RHPN1: variants seen among roughly 807,000 people sequenced by gnomAD.
The protein encoded by RHPN1 is rhophilin Rho GTPase binding protein 1.
A neutral mutation model predicts 74.7 loss-of-function variants in RHPN1; 77 were observed. The ratio of observed to expected loss-of-function variants is 1.03; its 90% CI spans 0.86 to 1.25. The LOEUF is 1.25. Among genes scored for constraint, RHPN1 ranks in the 50% most tolerant of loss-of-function variants. The pLI is 0.00. For missense variants in RHPN1, 987 were observed against 932.2 expected (o/e 1.06, Z -0.77); for synonymous variants, 444 against 414.5 (o/e 1.07, Z -0.87).
intron 10 of RHPN1, 103 bp from the exon 11 acceptor site, chr8:143,380,486 G>A (rs1335770699): frequency 3.5e-6 from 4 of 1,128,454 alleles, no homozygotes; most frequent in Non-Finnish European, 4.9e-6. Context: ...CAACGAAAGT[G>A]GCTGTGATGA....
chr8:143,376,791 T>C, intron 3 of RHPN1, 138 bp downstream of exon 3: 1 of 1,026,840 alleles, frequency 9.7e-7, no homozygotes, highest in Non-Finnish European at 1.4e-6. Flanking sequence ...TGCATGTGTG[T>C]GCATGCATGT....
intron 2 of RHPN1, among the ~76,000 whole-genome samples, chr8:143,376,276 G>A (rs1818210075): frequency 6.6e-6 from 1 of 152,224 alleles, no homozygotes; most frequent in Non-Finnish European, 1.5e-5. Context: ...TGAGGGAGGT[G>A]CCCCCAGGCC....
At chr8:143,369,143 G>A (rs1817665164) in intron 1 of RHPN1, 96 bp downstream of exon 1, 10 of 930,528 alleles carry the variant, frequency 1.1e-5, no homozygotes, top group Non-Finnish European at 1.5e-5. Context: ...CCCCTCCTAC[G>A]TCTCATTCGG....
chr8:143,378,433 A>T, intron 5 of RHPN1, 87 bp downstream of exon 5: 1 of 1,138,514 alleles, frequency 8.8e-7, no homozygotes, highest in East Asian at 2.6e-5. Flanking sequence ...CAGACAGAGG[A>T]GCTCAGCGTA....
chr8:143,380,499 C>G (rs979736244), intron 10 of RHPN1, 90 bp from the exon 11 acceptor site: 2 of 1,226,412 alleles, frequency 1.6e-6, no homozygotes, highest in African/African-American at 3.1e-5. Flanking sequence ...TGTGATGAGC[C>G]CCACAGCCCT....
intron 9 of RHPN1, 24 bp downstream of exon 9, chr8:143,380,009 A>T: frequency 6.4e-7 from 1 of 1,552,170 alleles, no homozygotes; most frequent in Non-Finnish European, 8.7e-7. Flanking sequence ...ACACTTGCCC[A>T]TGGTACTGCC....
intron 2 of RHPN1, 143 bp from the exon 3 acceptor site, chr8:143,376,382 A>C: frequency 8.2e-7 from 1 of 1,212,132 alleles, no homozygotes; most frequent in Non-Finnish European, 1.1e-6. Flanking sequence ...TGCCCCACCC[A>C]TGGGGGGCAG....
In RHPN1 at chr8:143,376,624, C is replaced by T. The variant is rs1414098012; in HGVS notation, c.276C>T (p.Ser92=). ...QLLKEELEEL[S]GGVDPGRHGS... is the part of the protein sequence containing the mutation. ...TGAAGGAGGAGCTGGAGGAGCTCAG[C>T]GGTGGCGTGGACCCTGGCCGGCATG... Residue 92 remains serine (S), a synonymous_variant, in exon 3 of 15, where the codon AGC becomes AGT. Transcript: ENST00000289013. The T allele has an allele frequency of 3.2e-6, 5 of 1,584,220 alleles. No homozygotes were observed. Among genetic ancestry groups the T allele is most frequent in the South Asian group, 1.1e-5 (1 of 87,252 alleles).
chr8:143,382,351 G>C, intron 14 of RHPN1, 85 bp from the exon 15 acceptor site: 1 of 1,233,388 alleles, frequency 8.1e-7, no homozygotes, highest in Non-Finnish European at 1.1e-6. Flanking sequence ...GCCCCTCCCA[G>C]GTGGTTCTCA....
Position 143,369,005 on chromosome 8 carries a change from G to C in RHPN1, c.18G>C (p.Arg6Ser), listed in dbSNP as rs991931060. The C allele has an allele frequency of 2.0e-5, 30 of 1,496,590 alleles. No homozygotes were observed. The highest frequency in any genetic ancestry group is 4.7e-4 in the Middle Eastern group (2 of 4,248). The allele number at this position is 1,496,590 out of a possible 1,614,324, so 92.7% of individuals were successfully genotyped here. A position where few individuals can be genotyped will look rare whatever the true frequency, so the allele number is the denominator to read the frequency against. The change falls in exon 1 of 15, where the codon AGG (arginine) becomes AGC (serine). Residue 6 changes from arginine (R) to serine (S), a missense_variant. Physicochemically the swap from Arg to Ser is moderately radical, Grantham distance 110. Transcript: ENST00000289013. ...GTGCGGCGATGATCCTGGAGGAGAG[G>C]CCGGACGGCGCGGGCGCCGGCGAGG... MILEE[R>S]PDGAGAGEES...
chr8:143,371,688 C>T (rs974890324), intron 1 of RHPN1, among the ~76,000 whole-genome samples: 2 of 152,218 alleles, frequency 1.3e-5, no homozygotes, highest in Non-Finnish European at 2.9e-5. Context: ...CATGGCCAGG[C>T]CCTTCATGTG....
At chr8:143,381,052 G>A (rs546087345) in intron 11 of RHPN1, among the ~76,000 whole-genome samples, 2 of 152,318 alleles carry the variant, frequency 1.3e-5, no homozygotes, top group East Asian at 1.9e-4. Flanking sequence ...GGCATGGCTG[G>A]GACTTCAGGG....
chr8:143,379,086 CG>C lies in RHPN1; in HGVS notation c.751+10del. The C allele has an allele frequency of 6.7e-7, 1 of 1,484,856 alleles. No individual in the cohort carries two copies. The highest frequency in any genetic ancestry group is 8.9e-7 in the Non-Finnish European group (1 of 1,120,142). The allele number at this position is 1,484,856 out of a possible 1,614,324, so 92.0% of individuals were successfully genotyped here. A position where few individuals can be genotyped will look rare whatever the true frequency, so the allele number is the denominator to read the frequency against. On this transcript the variant is annotated intron_variant, in intron 7 of 14. Coordinates refer to ENST00000289013, the MANE Select transcript of RHPN1 (RefSeq NM_052924.3). ...CCTTCCAGAGGGCCGCTGGTGAGGG[CG>C]GCCCGGGCCGCGGTGGGGCACGGCG...
rs2272755 is a variant in RHPN1, at chr8:143,382,875, G to C, written c.*224G>C. 3.5e-6 allele frequency: 2 copies of C among 575,710 alleles called. No homozygotes were observed. Among genetic ancestry groups the C allele is most frequent in the Non-Finnish European group, 3.1e-6 (1 of 322,678 alleles). The allele number at this position is 575,710 out of a possible 1,614,324, so 35.7% of individuals were successfully genotyped here. Reference sequence around the variant, plus strand: ...ACAGAAGGATGCCAGTCCCTCTGTCGGTCTGAGGTCAGCTTCCTGGGGCTG... The same window carrying C: ...ACAGAAGGATGCCAGTCCCTCTGTCCGTCTGAGGTCAGCTTCCTGGGGCTG... On this transcript the variant is annotated 3_prime_UTR_variant, in exon 15 of 15. Transcript: ENST00000289013.
upstream of RHPN1, chr8:143,367,954 T>G (rs773645976): frequency 6.6e-6 from 1 of 152,382 alleles, no homozygotes; most frequent in Non-Finnish European, 1.5e-5. Context: ...CGCAGGGAGC[T>G]GTGCAGTCTC....
In RHPN1 at chr8:143,384,212, G is replaced by C. The variant is rs902830584; in HGVS notation, c.*1561G>C. 2 of 151,114 alleles carry C rather than the reference G, an allele frequency of 1.3e-5. No homozygotes were observed. The highest frequency in any genetic ancestry group is 4.8e-5 in the African/African-American group (2 of 41,344). The allele number at this position is 151,114 out of a possible 1,614,324, so 9.4% of individuals were successfully genotyped here. ...TGTTAATTTGGTTAATAAAACTGTG[G>C]ATCAAGGAGGCCAGTAGGCACTAAC... On this transcript the variant is annotated 3_prime_UTR_variant, in exon 15 of 15. Coordinates refer to ENST00000289013, the MANE Select transcript of RHPN1 (RefSeq NM_052924.3).
At chr8:143,370,368 G>T (rs1042550363) in intron 1 of RHPN1, among the ~76,000 whole-genome samples, 1 of 152,218 alleles carries the variant, frequency 6.6e-6, no homozygotes, top group Non-Finnish European at 1.5e-5. Context: ...CAGGCCCTGT[G>T]TCACACGCGC....
At position 143,369,048 on chromosome 8, in the gene RHPN1, G is replaced by T. The variant is rs1280669475; in HGVS notation, c.60+1G>T. 1.3e-6 allele frequency: 2 copies of T among 1,492,954 alleles called. No homozygotes were observed. Among genetic ancestry groups the T allele is most frequent in the African/African-American group, 2.9e-5 (2 of 68,524 alleles). The allele number at this position is 1,492,954 out of a possible 1,614,324, so 92.5% of individuals were successfully genotyped here. A position where few individuals can be genotyped will look rare whatever the true frequency, so the allele number is the denominator to read the frequency against. On this transcript the variant is annotated splice_donor_variant, in intron 1 of 14. Coordinates refer to ENST00000289013, the MANE Select transcript of RHPN1 (RefSeq NM_052924.3). LOFTEE classifies it high-confidence loss of function. ...CGGCGAGGAGAGCCCGCGGCTGCAGGTGCGCAGAACTGGCGCGGCGGCGGG... is the reference window on the plus strand; with the variant it reads ...CGGCGAGGAGAGCCCGCGGCTGCAGTTGCGCAGAACTGGCGCGGCGGCGGG...
Position 143,376,572 on chromosome 8 carries a change from G to A in RHPN1, c.224G>A (p.Ser75Asn). 6.2e-7 allele frequency: 1 copy of A among 1,611,294 alleles called. No homozygotes were observed. Among genetic ancestry groups the A allele is most frequent in the Non-Finnish European group, 8.5e-7 (1 of 1,179,120 alleles). The stretch of plus-strand genomic sequence containing the variant: ...AGAGAGACGGTCGCCCTGGAGCTGA[G>A]CTACGTCAACTCCAACCTGCAGCTG... ...RVRETVALEL[S>N]YVNSNLQLLK... The change falls in exon 3 of 15, where the codon AGC becomes AAC. Residue 75 changes from serine (S) to asparagine (N), a missense_variant. By Grantham distance (46) the Ser-to-Asn change is conservative. Coordinates refer to ENST00000289013, the MANE Select transcript of RHPN1 (RefSeq NM_052924.3).
Sources: allele counts gnomAD v4.1 joint callset (sites outside exome capture counted in the v4.1 genomes callset), GRCh38; gene constraint gnomAD v4.1.1; transcripts MANE v1.5; gene names NCBI Gene and HGNC (gene_info 2026-07-23, HGNC 2026-07-21).